The following MYOM2 variants were observed in gnomAD, a reference collection of about 807,000 sequenced individuals.
The protein encoded by MYOM2 is myomesin 2.
MYOM2 carries 254 observed loss-of-function variants against 187.6 expected under a neutral mutation model. That is an observed-to-expected ratio of 1.35 (90% CI 1.22 to 1.50). The LOEUF is 1.50. Among genes scored for constraint, MYOM2 ranks in the 40% most tolerant of loss-of-function variants. MYOM2 has a pLI of 0.00. For missense variants in MYOM2, 2,796 were observed against 1,924.0 expected (o/e 1.45, Z -8.48); for synonymous variants, 981 against 753.8 (o/e 1.30, Z -4.94).
intron 25 of MYOM2, among the ~76,000 whole-genome samples, chr8:2,112,166 C>G (rs192808298): frequency 9.6e-4 from 146 of 152,276 alleles, no homozygotes; most frequent in African/African-American, 3.4e-3. Flanking sequence ...AGGGACAGAA[C>G]AGTCAGATGT....
intron 14 of MYOM2, among the ~76,000 whole-genome samples, chr8:2,086,441 C>A (rs991088035): frequency 1.4e-5 from 2 of 139,820 alleles, no homozygotes; most frequent in African/African-American, 2.8e-5. Context: ...CTGCGTGGCC[C>A]CCTACTGTCG....
At chr8:2,116,888 G>C (rs1797264615) in intron 27 of MYOM2, among the ~76,000 whole-genome samples, 1 of 152,026 alleles carries the variant, frequency 6.6e-6, no homozygotes, top group African/African-American at 2.4e-5. Context: ...CTCCCGAATA[G>C]CTGGGACTAC....
chr8:2,114,012 G>T (rs191333274), intron 25 of MYOM2, among the ~76,000 whole-genome samples: 3 of 152,306 alleles, frequency 2.0e-5, no homozygotes, highest in Non-Finnish European at 2.9e-5. Flanking sequence ...CAAGGGCAGG[G>T]TGCTATTGGG....
chr8:2,098,331 C>T (rs1057430103), intron 18 of MYOM2, among the ~76,000 whole-genome samples: 4 of 152,110 alleles, frequency 2.6e-5, no homozygotes, highest in Non-Finnish European at 4.4e-5. Flanking sequence ...CCTGAGGGCC[C>T]GGTGGGTGGC....
chr8:2,050,719 G>A (rs376687235), intron 1 of MYOM2, 36 bp from the exon 2 acceptor site: 103 of 1,295,214 alleles, frequency 8.0e-5, no homozygotes, highest in African/African-American at 4.5e-4. Context: ...TGATGCTTGC[G>A]AGGGAGCTCA....
chr8:2,123,749 T>C (rs1433829787), intron 30 of MYOM2, 107 bp downstream of exon 30: 1 of 942,426 alleles, frequency 1.1e-6, no homozygotes, highest in Non-Finnish European at 1.7e-6. Context: ...TAGCACACAT[T>C]GTGTCTTTAG....
At chr8:2,107,468 T>C (rs565475229) in intron 23 of MYOM2, among the ~76,000 whole-genome samples, 24 of 152,294 alleles carry the variant, frequency 1.6e-4, no homozygotes, top group African/African-American at 5.1e-4. Flanking sequence ...GTTGATATCA[T>C]GCAGAGGCTG....
chr8:2,110,469 T>C (rs1797032077), intron 25 of MYOM2, among the ~76,000 whole-genome samples: 1 of 152,212 alleles, frequency 6.6e-6, no homozygotes, highest in Admixed American at 6.5e-5. Context: ...TGGTTGTGTT[T>C]CAATAAATTT....
intron 12 of MYOM2, 25 bp from the exon 13 acceptor site, chr8:2,079,535 C>CT (rs1413039994): frequency 5.0e-6 from 8 of 1,612,928 alleles, no homozygotes; most frequent in African/African-American, 1.3e-5. Context: ...CATGTCAAAT[C>CT]GAGTGTCAAC....
chr8:2,096,331 G>T lies in MYOM2; in HGVS notation c.2210G>T (p.Ser737Ile), dbSNP rs770156526. The part of the protein sequence containing the change: ...MTLGWKVPKF[S>I]GGSPILGYYL... ...CTCGGCTGGAAGGTCCCGAAATTCAGTGGTGGCTCGCCCATCCTGGGCTAC... is the reference window on the plus strand; with the variant it reads ...CTCGGCTGGAAGGTCCCGAAATTCATTGGTGGCTCGCCCATCCTGGGCTAC... The change falls in exon 18 of 37, where the codon AGT becomes ATT. Residue 737 changes from serine (S) to isoleucine (I), a missense_variant. Physicochemically the swap from Ser to Ile is moderately radical, Grantham distance 142. Transcript: ENST00000262113. 46 of 1,614,224 alleles carry T rather than the reference G, an allele frequency of 2.8e-5. No individual in the cohort carries two copies. Among genetic ancestry groups the T allele is most frequent in the Non-Finnish European group, 3.9e-5 (46 of 1,180,048 alleles).
At position 2,145,109 on chromosome 8, in the gene MYOM2, T is replaced by C. The variant is rs1798417220; in HGVS notation, c.*128T>C. The C allele has an allele frequency of 9.7e-7, 1 of 1,031,832 alleles. No homozygotes were observed. Among genetic ancestry groups the C allele is most frequent in the African/African-American group, 1.6e-5 (1 of 61,398 alleles). 63.9% of individuals were successfully genotyped at this position (1,031,832 alleles called of 1,614,324 possible). A position where few individuals can be genotyped will look rare whatever the true frequency, so the allele number is the denominator to read the frequency against. ...TGGGCTGATAGTTGATCACACATTGTGCTTTTGATTTTTGCATTTGGTGAT... is the reference window on the plus strand; with the variant it reads ...TGGGCTGATAGTTGATCACACATTGCGCTTTTGATTTTTGCATTTGGTGAT... On this transcript the variant is annotated 3_prime_UTR_variant, in exon 37 of 37. Transcript: ENST00000262113.
intron 31 of MYOM2, chr8:2,127,760 A>G (rs1797706479): frequency 6.5e-6 from 1 of 154,876 alleles, no homozygotes; most frequent in Admixed American, 6.6e-5. Flanking sequence ...GCGGTGGCGC[A>G]GCCGCAGGCA....
Position 2,078,741 on chromosome 8 carries a change from G to A in MYOM2, c.1270G>A (p.Val424Ile). The change falls in exon 12 of 37, where the codon GTA becomes ATA. Residue 424 changes from valine to isoleucine, a missense_variant. Physicochemically the swap from Val to Ile is conservative, Grantham distance 29. Coordinates refer to ENST00000262113, the MANE Select transcript of MYOM2 (RefSeq NM_003970.4). Reference sequence around the variant, plus strand: ...TCTTTTTTTAACTTGAAGATGTGAAGTAGGAACGAATAATTGGGTGCAGTG... The same window carrying A: ...TCTTTTTTTAACTTGAAGATGTGAAATAGGAACGAATAATTGGGTGCAGTG... ...VMGYFVDRCEVGTNNWVQCND... is the reference protein window; with the variant it reads ...VMGYFVDRCEIGTNNWVQCND... The A allele has an allele frequency of 1.2e-6, 2 of 1,614,166 alleles. No individual in the cohort carries two copies. Among genetic ancestry groups the A allele is most frequent in the Non-Finnish European group, 1.7e-6 (2 of 1,180,028 alleles).
At position 2,144,746 on chromosome 8, in the gene MYOM2, G is replaced by T; in HGVS notation, c.4163G>T (p.Ser1388Ile). ...WFKNDQDIQL[S>I]EHFSVKVEQA... ...AAGAACGACCAGGACATCCAGCTCA[G>T]CGAGCACTTCTCGGTGAAGGTGGAG... The change falls in exon 37 of 37, where the codon AGC becomes ATC. Residue 1388 changes from serine (S) to isoleucine (I), a missense_variant. By Grantham distance (142) the Ser-to-Ile change is moderately radical. Transcript: ENST00000262113. The T allele has an allele frequency of 1.2e-6, 2 of 1,614,132 alleles. No individual in the cohort carries two copies. Among genetic ancestry groups the T allele is most frequent in the Non-Finnish European group, 1.7e-6 (2 of 1,180,024 alleles).
chr8:2,093,859 T>A, intron 16 of MYOM2, 111 bp from the exon 17 acceptor site: 1 of 1,254,716 alleles, frequency 8.0e-7, no homozygotes, highest in East Asian at 2.3e-5. Flanking sequence ...ATGAAGGATG[T>A]ATGTTATCCA....
chr8:2,120,680 T>TA, intron 28 of MYOM2, among the ~76,000 whole-genome samples: 2,311 of 48,136 alleles, frequency 0.048, 322 homozygotes, highest in South Asian at 0.12. Context: ...ATATATTATA[T>TA]TATATATAAA....
At chr8:2,136,616 G>A (rs909602320) in intron 32 of MYOM2, among the ~76,000 whole-genome samples, 1 of 149,884 alleles carries the variant, frequency 6.7e-6, no homozygotes, top group Non-Finnish European at 1.5e-5. Context: ...TGAGGCCAGT[G>A]AAGCAATTGT....
intron 3 of MYOM2, among the ~76,000 whole-genome samples, chr8:2,057,137 C>A (rs1392567894): frequency 6.6e-6 from 1 of 152,200 alleles, no homozygotes; most frequent in Non-Finnish European, 1.5e-5. Flanking sequence ...ACATGTTCTT[C>A]TTTACAACTT....
chr8:2,106,518 T>A lies in MYOM2; in HGVS notation c.2919T>A (p.Asp973Glu), dbSNP rs377486672. 77 of 1,611,128 alleles carry A rather than the reference T, an allele frequency of 4.8e-5. No individual in the cohort carries two copies. The highest frequency in any genetic ancestry group is 1.6e-4 in the African/African-American group (12 of 74,860). The change falls in exon 23 of 37, where the codon GAT (aspartate) becomes GAA (glutamate). Residue 973 changes from aspartate to glutamate, a missense_variant. Coordinates refer to ENST00000262113, the MANE Select transcript of MYOM2 (RefSeq NM_003970.4). Reference protein sequence around the residue: ...DHSKLYLKNPDKEDLGTYSVS... With the variant: ...DHSKLYLKNPEKEDLGTYSVS... Reference sequence around the variant, plus strand: ...CCAAGCTGTACTTAAAGAATCCGGATAAGGAGGATTTAGGGACTTACTCCG... The same window carrying A: ...CCAAGCTGTACTTAAAGAATCCGGAAAAGGAGGATTTAGGGACTTACTCCG...
Sources: gnomAD v4.1 joint callset for allele counts (sites outside exome capture counted in the v4.1 genomes callset) on GRCh38, gnomAD v4.1.1 for gene constraint, MANE v1.5 for transcripts, NCBI Gene and HGNC (gene_info 2026-07-23, HGNC 2026-07-21) for gene names.